Variants in SYTL2 observed in about 807,000 individuals in gnomAD.
The protein encoded by SYTL2 is synaptotagmin like 2.
SYTL2 carries 165 observed loss-of-function variants against 198.7 expected under a neutral mutation model. That is an observed-to-expected ratio of 0.83 (90% CI 0.73 to 0.94). SYTL2 has a LOEUF of 0.94. SYTL2 is among the 40% of genes least tolerant of loss of function. SYTL2 has a pLI of 0.00. For synonymous variants in SYTL2, 966 were observed against 917.7 expected (o/e 1.05, Z -0.95); for missense variants, 2,835 against 2,582.8 (o/e 1.10, Z -2.12).
At chr11:85,702,186 G>C (rs1445184247) in intron 16 of SYTL2, among the ~76,000 whole-genome samples, 6 of 132,168 alleles carry the variant, frequency 4.5e-5, no homozygotes, top group African/African-American at 1.6e-4. Flanking sequence ...GAATCTAGTG[G>C]GTCTATTTTT....
At chr11:85,713,557 T>C (rs764218733) in intron 12 of SYTL2, among the ~76,000 whole-genome samples, 1 of 152,164 alleles carries the variant, frequency 6.6e-6, no homozygotes, top group African/African-American at 2.4e-5. Flanking sequence ...TGCAAGAACA[T>C]GGAATCTTAA....
In SYTL2 at chr11:85,733,581, G is replaced by GTTTTTT. The variant is rs67133901; in HGVS notation, c.1390+352_1390+357dup. 1.7e-4 allele frequency: 20 copies of GTTTTTT among 119,604 alleles called. 1 individual carries two copies. The highest frequency in any genetic ancestry group is 4.6e-4 in the African/African-American group (14 of 30,176). The allele number at this position is 119,604 out of a possible 1,614,324, so 7.4% of individuals were successfully genotyped here. A position where few individuals can be genotyped will look rare whatever the true frequency, so the allele number is the denominator to read the frequency against. On this transcript the variant is annotated intron_variant, in intron 7 of 19. Transcript: ENST00000359152. ...GGCCTGGGCATTTCAAGCCCACCAA[G>GTTTTTT]TTTTTTTTTTTTGTTTTTTTTTTTT...
At chr11:85,841,015 G>T in the SYTL2 span, among the ~76,000 whole-genome samples, 1 of 152,114 alleles carries the variant, frequency 6.6e-6, no homozygotes, top group Admixed American at 6.6e-5. Flanking sequence ...CCATTAGAAA[G>T]TGGGCAAATG....
rs1390792311 is a variant in SYTL2, at chr11:85,724,116, C to T, written c.5242G>A (p.Glu1748Lys). The T allele has an allele frequency of 6.9e-6, 11 of 1,588,168 alleles. No individual in the cohort carries two copies. In the Admixed American group the frequency reaches 1.5e-4, roughly 22 times the overall value. ...TCAGAGAAACCTTCTTTTTCTTCCT[C>T]TTTCTCTTGTTTCATATATGGCGAT... ...LASPYMKQEKEEEKEGFSESD... is the reference protein window; with the variant it reads ...LASPYMKQEKKEEKEGFSESD... The change falls in exon 8 of 20, where the codon GAG (glutamate) becomes AAG (lysine). Residue 1748 changes from glutamate (E) to lysine (K), a missense_variant. Coordinates refer to ENST00000359152, the MANE Select transcript of SYTL2 (RefSeq NM_206927.4).
chr11:85,694,324 C>T lies in SYTL2; in HGVS notation c.*871G>A, dbSNP rs1274562769. 3 of 152,088 alleles carry T rather than the reference C, an allele frequency of 2.0e-5. No individual in the cohort carries two copies. In the East Asian group the frequency reaches 5.8e-4, roughly 29 times the overall value. The allele number at this position is 152,088 out of a possible 1,614,324, so 9.4% of individuals were successfully genotyped here. A position where few individuals can be genotyped will look rare whatever the true frequency, so the allele number is the denominator to read the frequency against. On this transcript the variant is annotated 3_prime_UTR_variant, in exon 20 of 20. Coordinates refer to ENST00000359152, the MANE Select transcript of SYTL2 (RefSeq NM_206927.4). Reference sequence around the variant, plus strand: ...TGATAATTTATTCTAAGGGTTTTTACAAAATACGAAAATTTTACATACATA... The same window carrying T: ...TGATAATTTATTCTAAGGGTTTTTATAAAATACGAAAATTTTACATACATA...
At chr11:85,839,310 G>A in the SYTL2 span, among the ~76,000 whole-genome samples, 3 of 152,062 alleles carry the variant, frequency 2.0e-5, no homozygotes, top group Non-Finnish European at 4.4e-5. Context: ...ACACTTTACT[G>A]TCTGCTATCC....
In SYTL2 at chr11:85,725,432, A is replaced by G; in HGVS notation, c.3926T>C (p.Leu1309Ser). ...IQMAAEDSHP[L>S]DPTSQLSRKG... The stretch of plus-strand genomic sequence containing the variant: ...TCTGGAAAGCTGGGAAGTTGGATCC[A>G]ATGGATGAGAATCTTCTGCAGCCAT... Residue 1309 changes from leucine to serine, a missense_variant, in exon 8 of 20, where the codon TTG (leucine) becomes TCG (serine). Physicochemically the swap from Leu to Ser is moderately radical, Grantham distance 145 (BLOSUM62 -2). Coordinates refer to ENST00000359152, the MANE Select transcript of SYTL2 (RefSeq NM_206927.4). The G allele has an allele frequency of 6.2e-7, 1 of 1,614,128 alleles. No homozygotes were observed. Among genetic ancestry groups the G allele is most frequent in the Non-Finnish European group, 8.5e-7 (1 of 1,179,994 alleles).
intron 2 of SYTL2, among the ~76,000 whole-genome samples, chr11:85,756,405 A>G (rs534166693): frequency 1.3e-5 from 2 of 152,104 alleles, no homozygotes; most frequent in Non-Finnish European, 2.9e-5. Flanking sequence ...CCCTTCCTCC[A>G]TTGCCAGGTC....
At chr11:85,844,295 A>G in the SYTL2 span, among the ~76,000 whole-genome samples, 2 of 152,332 alleles carry the variant, frequency 1.3e-5, no homozygotes, top group Admixed American at 6.5e-5. Flanking sequence ...GTAAAATAGT[A>G]TGTCCTCAAA....
the SYTL2 span, among the ~76,000 whole-genome samples, chr11:85,844,872 G>A: frequency 1.3e-5 from 2 of 152,146 alleles, no homozygotes; most frequent in African/African-American, 4.8e-5. Flanking sequence ...ATGGCTCAGA[G>A]GACCCGCCAT....
At chr11:85,793,253 G>A (rs7949207) in intron 1 of SYTL2, among the ~76,000 whole-genome samples, 1,748 of 150,460 alleles carry the variant, frequency 0.012, 40 homozygotes, top group African/African-American at 0.041. Context: ...CAACAGTGTA[G>A]AAGTGTTCCT....
chr11:85,727,598 C>CCGCTATTAAAGGT lies in SYTL2; in HGVS notation c.1759_1760insACCTTTAATAGCG (p.Arg587AsnfsTer3), dbSNP rs1398646910. 1.3e-6 allele frequency: 2 copies of CCGCTATTAAAGGT among 1,535,950 alleles called. No individual in the cohort carries two copies. Among genetic ancestry groups the CCGCTATTAAAGGT allele is most frequent in the East Asian group, 4.9e-5 (2 of 40,918 alleles). On this transcript the variant is annotated stop_gained and frameshift_variant, in exon 8 of 20. Transcript: ENST00000359152. LOFTEE classifies it high-confidence loss of function. ...CTCTGCTTGGAATGGTGAGTCAGAT[C>CCGCTATTAAAGGT]TCACAGGCTTCAATTCAATTTTGCT...
intron 3 of SYTL2, 75 bp downstream of exon 3, chr11:85,748,197 G>T: frequency 6.8e-7 from 1 of 1,479,160 alleles, no homozygotes; most frequent in South Asian, 1.2e-5. Context: ...GCAGATTTCT[G>T]ACACCATTCC....
At chr11:85,704,639 G>A (rs2084843164) in intron 16 of SYTL2, among the ~76,000 whole-genome samples, 1 of 152,118 alleles carries the variant, frequency 6.6e-6, no homozygotes, top group African/African-American at 2.4e-5. Context: ...TCAAAGGACT[G>A]AATTATTTAA....
At chr11:85,742,086 C>A (rs1017229859) in intron 4 of SYTL2, among the ~76,000 whole-genome samples, 1 of 152,156 alleles carries the variant, frequency 6.6e-6, no homozygotes, top group Non-Finnish European at 1.5e-5. Flanking sequence ...GGGAGACATT[C>A]TCTAGAGATG....
upstream of SYTL2, among the ~76,000 whole-genome samples, chr11:85,813,709 TC>T (rs1592110568): frequency 2.5e-4 from 25 of 101,890 alleles, no homozygotes; most frequent in East Asian, 1.2e-3. Flanking sequence ...CCTCCCTCCC[TC>T]CCTCCTTTCC....
chr11:85,735,203 C>A (rs577948169), intron 6 of SYTL2, among the ~76,000 whole-genome samples: 1 of 152,266 alleles, frequency 6.6e-6, no homozygotes, highest in South Asian at 2.1e-4. Context: ...CCTAAAACTG[C>A]TCTAAAAAAT....
intron 1 of SYTL2, among the ~76,000 whole-genome samples, chr11:85,805,219 G>T (rs1047555358): frequency 4.0e-5 from 6 of 151,862 alleles, no homozygotes; most frequent in African/African-American, 1.5e-4. Flanking sequence ...GGCCGAGTGT[G>T]GTGGCTCATG....
At chr11:85,700,645 T>C in intron 16 of SYTL2, 52 bp from the exon 17 acceptor site, 1 of 1,378,682 alleles carries the variant, frequency 7.3e-7, no homozygotes, top group East Asian at 2.3e-5. Flanking sequence ...TCATCCTGTT[T>C]GTTGGTATAG....
Sources: allele counts gnomAD v4.1 joint callset (sites outside exome capture counted in the v4.1 genomes callset), GRCh38; gene constraint gnomAD v4.1.1; transcripts MANE v1.5; gene names NCBI Gene and HGNC (gene_info 2026-07-23, HGNC 2026-07-21).